AKAP9: variants seen among roughly 807,000 people sequenced by gnomAD.
AKAP9 encodes the protein A-kinase anchoring protein 9.
AKAP9 carries 311 observed loss-of-function variants against 488.5 expected under a neutral mutation model. The ratio of observed to expected loss-of-function variants is 0.64; its 90% CI spans 0.58 to 0.70. The LOEUF is 0.70. AKAP9 is among the 30% of genes least tolerant of loss of function. The pLI is 0.00. For synonymous variants in AKAP9, 1,462 were observed against 1,483.5 expected, an observed-to-expected ratio of 0.99 and a Z score of 0.33; for missense variants, 4,215 against 4,374.5, an observed-to-expected ratio of 0.96 and a Z score of 1.03.
chr7:91,984,185 T>C (rs1239563946), intron 3 of AKAP9, among the ~76,000 whole-genome samples: 3 of 152,208 alleles, frequency 2.0e-5, no homozygotes, highest in African/African-American at 2.4e-5. Flanking sequence ...CTTTTGGTGT[T>C]TTAGTCATGA....
At chr7:91,961,835 C>G (rs1028842996) in intron 1 of AKAP9, among the ~76,000 whole-genome samples, 1 of 151,388 alleles carries the variant, frequency 6.6e-6, no homozygotes, top group Non-Finnish European at 1.5e-5. Flanking sequence ...CAGAGTGAGA[C>G]TCCGTCTCAA....
At chr7:92,076,419 A>G (rs1170828418) in intron 28 of AKAP9, among the ~76,000 whole-genome samples, 2 of 152,224 alleles carry the variant, frequency 1.3e-5, no homozygotes, top group African/African-American at 4.8e-5. Flanking sequence ...AGTTAATTAG[A>G]TATTTTTGGA....
chr7:91,993,223 C>G (rs1797995457), intron 5 of AKAP9, among the ~76,000 whole-genome samples, 168 bp downstream of exon 5: 1 of 147,960 alleles, frequency 6.8e-6, no homozygotes, highest in South Asian at 2.1e-4. Context: ...GGGTCTTGCT[C>G]TGTTGCCCAG....
intron 1 of AKAP9, among the ~76,000 whole-genome samples, chr7:91,955,790 T>C (rs879433211): frequency 2.6e-5 from 4 of 152,094 alleles, no homozygotes; most frequent in African/African-American, 7.2e-5. Context: ...CCTGCCACCA[T>C]GCCCGGCTAA....
intron 17 of AKAP9, among the ~76,000 whole-genome samples, chr7:92,040,406 A>G (rs1197782767): frequency 2.6e-5 from 4 of 151,986 alleles, no homozygotes; most frequent in African/African-American, 4.8e-5. Flanking sequence ...TTTTTTTTCT[A>G]TTAGAATTAG....
At chr7:92,058,196 A>G (rs983066740) in intron 22 of AKAP9, 3 of 593,314 alleles carry the variant, frequency 5.1e-6, no homozygotes, top group South Asian at 1.4e-5. Context: ...CTATTTGGCA[A>G]CTGTCAAAGT....
Position 92,089,444 on chromosome 7 carries a change from AT to A in AKAP9, c.9274del (p.Ser3092LeufsTer10). ...LQKADRRSLLSEIQALHAQMN... is the reference protein window; with the variant it reads ...LQKADRRSLLXEIQALHAQMN... ...AGAAAGCAGATAGAAGGAGTTTGTT[AT>A]CTGAAATTCAGGCACTGCATGCACA... On this transcript the variant is annotated frameshift_variant, in exon 38 of 50. Coordinates refer to ENST00000356239, the MANE Select transcript of AKAP9 (RefSeq NM_005751.5). LOFTEE classifies it high-confidence loss of function. 6.2e-7 allele frequency: 1 copy of A among 1,612,828 alleles called. No homozygotes were observed. Among genetic ancestry groups the A allele is most frequent in the Non-Finnish European group, 8.5e-7 (1 of 1,179,724 alleles).
At chr7:91,975,917 G>T (rs1033939846) in intron 2 of AKAP9, among the ~76,000 whole-genome samples, 49 of 82,962 alleles carry the variant, frequency 5.9e-4, no homozygotes, top group East Asian at 3.0e-3. Flanking sequence ...TTTTTTGTTT[G>T]TTTGTTTGTT....
chr7:92,099,927 C>A, intron 44 of AKAP9, 58 bp downstream of exon 44: 2 of 1,536,918 alleles, frequency 1.3e-6, no homozygotes, highest in Admixed American at 3.3e-5. Context: ...ATCATTTCTG[C>A]TGTCTAGTTC....
chr7:92,037,244 T>G (rs1171678318), intron 16 of AKAP9, among the ~76,000 whole-genome samples: 1 of 152,206 alleles, frequency 6.6e-6, no homozygotes, highest in East Asian at 1.9e-4. Flanking sequence ...GGCAAGATTA[T>G]AGGATTTTGA....
intron 6 of AKAP9, 71 bp from the exon 7 acceptor site, chr7:91,995,532 C>A: frequency 7.1e-7 from 1 of 1,408,776 alleles, no homozygotes; most frequent in East Asian, 2.3e-5. Context: ...TGCAGGGACA[C>A]CCCAAAGGTG....
At chr7:92,058,074 T>C (rs1262363529) in intron 22 of AKAP9, 1 of 457,456 alleles carries the variant, frequency 2.2e-6, no homozygotes, top group Non-Finnish European at 4.3e-6. Flanking sequence ...CTTTTTATAC[T>C]GCTATGGTAG....
intron 48 of AKAP9, 77 bp from the exon 49 acceptor site, chr7:92,108,417 G>C (rs1818876618): frequency 1.4e-6 from 2 of 1,463,552 alleles, no homozygotes; most frequent in African/African-American, 2.8e-5. Flanking sequence ...TTTTGGGGAA[G>C]GGAGTGGAGG....
chr7:91,998,980 A>G (rs1378333046), intron 7 of AKAP9, among the ~76,000 whole-genome samples: 1 of 152,196 alleles, frequency 6.6e-6, no homozygotes, highest in East Asian at 1.9e-4. Flanking sequence ...CAGAGTTTGA[A>G]GTAAGAAGGC....
intron 35 of AKAP9, 136 bp downstream of exon 35, chr7:92,085,076 AT>A: frequency 1.0e-6 from 1 of 961,500 alleles, no homozygotes; most frequent in East Asian, 2.7e-5. Context: ...TGAGAGATCT[AT>A]TTTATTTCCA....
At chr7:92,094,327 T>C (rs1584528237) in intron 39 of AKAP9, among the ~76,000 whole-genome samples, 1 of 144,276 alleles carries the variant, frequency 6.9e-6, no homozygotes, top group Non-Finnish European at 1.5e-5. Flanking sequence ...AGGTCAGGAG[T>C]TCAAGACCAG....
chr7:92,024,398 C>G (rs1482460127), intron 14 of AKAP9, among the ~76,000 whole-genome samples: 2 of 149,666 alleles, frequency 1.3e-5, no homozygotes, highest in East Asian at 3.9e-4. Context: ...GATGACAGAG[C>G]AAGACTCTGC....
At chr7:92,042,847 T>C in intron 20 of AKAP9, 76 bp downstream of exon 20, 1 of 999,280 alleles carries the variant, frequency 1.0e-6, no homozygotes, top group Non-Finnish European at 1.6e-6. Context: ...TTGTCCTTAT[T>C]TTTATCTTGT....
chr7:92,032,824 A>G (rs1804513090), intron 16 of AKAP9, among the ~76,000 whole-genome samples: 1 of 152,144 alleles, frequency 6.6e-6, no homozygotes, highest in African/African-American at 2.4e-5. Flanking sequence ...TCTTGCATGT[A>G]GCTCTTACAC....
Sources: allele counts gnomAD v4.1 joint callset (sites outside exome capture counted in the v4.1 genomes callset), GRCh38; gene constraint gnomAD v4.1.1; transcripts MANE v1.5; gene names NCBI Gene and HGNC (gene_info 2026-07-23, HGNC 2026-07-21).